The following NGEF variants were observed in gnomAD, a reference collection of about 807,000 sequenced individuals.
The protein encoded by NGEF is neuronal guanine nucleotide exchange factor.
NGEF carries 31 observed loss-of-function variants against 80.9 expected under a neutral mutation model. The ratio of observed to expected loss-of-function variants is 0.38; its 90% CI spans 0.29 to 0.52. The LOEUF (loss-of-function observed/expected upper bound fraction) is 0.52. NGEF is among the 20% of genes least tolerant of loss of function. The pLI, the probability that NGEF is intolerant of heterozygous loss-of-function variation, is 0.84. For missense variants in NGEF, 709 were observed against 926.2 expected, an observed-to-expected ratio of 0.77 and a Z score of 3.04; for synonymous variants, 371 against 370.2, an observed-to-expected ratio of 1.00 and a Z score of -0.03.
chr2:232,943,652 GA>G (rs1693488486), intron 3 of NGEF, among the ~76,000 whole-genome samples: 3 of 150,702 alleles, frequency 2.0e-5, no homozygotes, highest in Non-Finnish European at 2.9e-5. Context: ...CCCGCCACTA[GA>G]CCCGACTAAT....
At chr2:232,998,417 G>A (rs1421658653) in intron 1 of NGEF, among the ~76,000 whole-genome samples, 1 of 152,162 alleles carries the variant, frequency 6.6e-6, no homozygotes, top group Non-Finnish European at 1.5e-5. Context: ...CATGGCGCAT[G>A]TGCTTAGGAA....
At chr2:232,907,849 C>G (rs766171884) in intron 5 of NGEF, among the ~76,000 whole-genome samples, 1 of 152,136 alleles carries the variant, frequency 6.6e-6, no homozygotes, top group Non-Finnish European at 1.5e-5. Context: ...TGGCTCACAC[C>G]TGTAATCCCC....
intron 1 of NGEF, among the ~76,000 whole-genome samples, chr2:232,991,505 A>G (rs1428185577): frequency 1.3e-5 from 2 of 152,138 alleles, no homozygotes; most frequent in East Asian, 3.8e-4. Flanking sequence ...ATATCATCAA[A>G]AAGAATAAAG....
At chr2:232,900,371 T>C (rs111162807) in intron 5 of NGEF, among the ~76,000 whole-genome samples, 100 of 51,190 alleles carry the variant, frequency 2.0e-3, no homozygotes, top group African/African-American at 2.2e-3. Context: ...CACATTCACT[T>C]ACACACACAC....
chr2:232,927,022 C>T, intron 4 of NGEF, 22 bp downstream of exon 4: 1 of 1,613,976 alleles, frequency 6.2e-7, no homozygotes, highest in Non-Finnish European at 8.5e-7. Flanking sequence ...AAATAAAACC[C>T]GGTTACTGCG....
At position 232,920,375 on chromosome 2, in the gene NGEF, TG is replaced by T; in HGVS notation, c.736del (p.His246ThrfsTer47). On this transcript the variant is annotated frameshift_variant, in exon 5 of 15. Transcript: ENST00000264051. LOFTEE classifies it high-confidence loss of function. Reference protein sequence around the residue: ...LPQICLLSNPHSRFNLWQDLP... With the variant: ...LPQICLLSNPXSRFNLWQDLP... Reference sequence around the variant, plus strand: ...ATCCTGCCAGAGGTTGAACCTTGAGTGGGGGTTACTGAGCAGGCAGATCTGG... The same window carrying T: ...ATCCTGCCAGAGGTTGAACCTTGAGTGGGGTTACTGAGCAGGCAGATCTGG... The T allele has an allele frequency of 6.2e-7, 1 of 1,613,772 alleles. No homozygotes were observed. The highest frequency in any genetic ancestry group is 8.5e-7 in the Non-Finnish European group (1 of 1,179,940).
intron 1 of NGEF, among the ~76,000 whole-genome samples, chr2:232,997,980 G>C (rs1033115612): frequency 2.0e-5 from 3 of 152,192 alleles, no homozygotes; most frequent in Non-Finnish European, 2.9e-5. Flanking sequence ...TAGGACAGGG[G>C]GTGGCTTCTG....
At chr2:232,902,383 G>C (rs545228306) in intron 5 of NGEF, among the ~76,000 whole-genome samples, 1 of 152,168 alleles carries the variant, frequency 6.6e-6, no homozygotes, top group Non-Finnish European at 1.5e-5. Flanking sequence ...ATTCGAGGCC[G>C]GACTGAGCAG....
chr2:232,974,276 A>G (rs1694247095), intron 2 of NGEF, among the ~76,000 whole-genome samples: 1 of 152,132 alleles, frequency 6.6e-6, no homozygotes, highest in Non-Finnish European at 1.5e-5. Context: ...CACCGAGACA[A>G]TTCATGTTCT....
intron 1 of NGEF, among the ~76,000 whole-genome samples, chr2:233,011,613 G>C (rs1695205180): frequency 1.3e-5 from 2 of 149,804 alleles, no homozygotes; most frequent in Admixed American, 6.6e-5. Flanking sequence ...AAGGAACAGA[G>C]ACAGAGTCTT....
At chr2:232,946,380 T>C (rs1693559013) in intron 3 of NGEF, among the ~76,000 whole-genome samples, 2 of 152,108 alleles carry the variant, frequency 1.3e-5, no homozygotes, top group Non-Finnish European at 2.9e-5. Flanking sequence ...AAATCACCAC[T>C]AAAGAACTTA....
chr2:232,970,397 G>T, intron 2 of NGEF, 69 bp from the exon 3 acceptor site: 2 of 1,005,004 alleles, frequency 2.0e-6, no homozygotes, highest in Non-Finnish European at 3.0e-6. Flanking sequence ...TTCTCTGTAA[G>T]CCTAGGACAG....
intron 1 of NGEF, among the ~76,000 whole-genome samples, chr2:232,989,468 C>CA (rs1694607769): frequency 6.6e-6 from 1 of 152,110 alleles, no homozygotes; most frequent in African/African-American, 2.4e-5. Context: ...AACAAACAAA[C>CA]AAACAAAACT....
At position 232,879,328 on chromosome 2, in the gene NGEF, A is replaced by T. The variant is rs73997601; in HGVS notation, c.*161T>A. On this transcript the variant is annotated 3_prime_UTR_variant, in exon 15 of 15. Coordinates refer to ENST00000264051, the MANE Select transcript of NGEF (RefSeq NM_019850.3). ...CAGTTTGCGAGCAAGGGGCCAAGAC[A>T]CATGAGCACTCACTGCGTGGGCAGG... The T allele has an allele frequency of 4.9e-3, 3,233 of 664,398 alleles. 94 individuals are homozygous for T. The African/African-American group carries it at 0.053, about 11-fold the overall frequency. The allele number at this position is 664,398 out of a possible 1,614,324, so 41.2% of individuals were successfully genotyped here. A position where few individuals can be genotyped will look rare whatever the true frequency, so the allele number is the denominator to read the frequency against.
At chr2:232,916,692 C>T (rs1692809991) in intron 5 of NGEF, among the ~76,000 whole-genome samples, 1 of 152,192 alleles carries the variant, frequency 6.6e-6, no homozygotes, top group Non-Finnish European at 1.5e-5. Flanking sequence ...AGTTTGACAG[C>T]AGGGCTAGGG....
intron 5 of NGEF, among the ~76,000 whole-genome samples, chr2:232,900,239 C>T (rs1451136916): frequency 1.1e-4 from 16 of 145,248 alleles, no homozygotes; most frequent in Non-Finnish European, 1.9e-4. Context: ...CACACACACA[C>T]GCTCTCAGTC....
At chr2:232,988,057 G>C (rs949581372) in intron 1 of NGEF, among the ~76,000 whole-genome samples, 5 of 151,866 alleles carry the variant, frequency 3.3e-5, no homozygotes, top group South Asian at 2.1e-4. Flanking sequence ...GTGTGTGTGT[G>C]TGTGTGTGTG....
At chr2:232,919,997 A>G (rs1007889597) in intron 5 of NGEF, among the ~76,000 whole-genome samples, 1 of 152,180 alleles carries the variant, frequency 6.6e-6, no homozygotes, top group African/African-American at 2.4e-5. Context: ...GGAAATACAC[A>G]ATGATGATAA....
At chr2:232,962,985 T>C (rs1025954656) in intron 3 of NGEF, among the ~76,000 whole-genome samples, 2 of 152,004 alleles carry the variant, frequency 1.3e-5, no homozygotes, top group African/African-American at 2.4e-5. Context: ...AATTTATCTG[T>C]AGAGACAATG....
Sources: allele counts gnomAD v4.1 joint callset (sites outside exome capture counted in the v4.1 genomes callset), GRCh38; gene constraint gnomAD v4.1.1; transcripts MANE v1.5; gene names NCBI Gene and HGNC (gene_info 2026-07-23, HGNC 2026-07-21).